The following HSD17B4 variants were observed in gnomAD, a reference collection of about 807,000 sequenced individuals.
The protein encoded by HSD17B4 is peroxisomal multifunctional enzyme type 2.
Under a neutral mutation model 101.0 loss-of-function variants are expected in HSD17B4, and 70 were observed. The observed-to-expected ratio is 0.69, with a 90% CI of 0.57 to 0.85. HSD17B4 has a LOEUF of 0.85. Ranked by LOEUF, HSD17B4 falls within the 40% of genes least tolerant of loss-of-function variation. HSD17B4 has a pLI of 0.00. For synonymous variants in HSD17B4, 347 were observed against 297.1 expected, an observed-to-expected ratio of 1.17 and a Z score of -1.73; for missense variants, 984 against 892.4, an observed-to-expected ratio of 1.10 and a Z score of -1.31.
At chr5:119,466,095 G>T (rs888356189) in intron 2 of HSD17B4, among the ~76,000 whole-genome samples, 15 of 152,034 alleles carry the variant, frequency 9.9e-5, no homozygotes, top group African/African-American at 3.4e-4. Flanking sequence ...TTTCTCCTTT[G>T]TTTTGTTGAT....
rs1748606895 is a variant in HSD17B4 at position 119,476,607 on chromosome 5, G to A, written c.349+737G>A. On this transcript the variant is annotated intron_variant, in intron 6 of 23. Transcript: ENST00000510025. ...TTGATTTAGAATTAAGCTAAGAAGAGCTTTTAGTTTCTGCTTCCCTTGTAA... is the reference window on the plus strand; with the variant it reads ...TTGATTTAGAATTAAGCTAAGAAGAACTTTTAGTTTCTGCTTCCCTTGTAA... The A allele has an allele frequency of 3.0e-6, 3 of 985,102 alleles. No individual in the cohort carries two copies. In the South Asian group the frequency reaches 1.4e-4, roughly 46 times the overall value. 61.0% of individuals were successfully genotyped at this position (985,102 alleles called of 1,614,324 possible). A position where few individuals can be genotyped will look rare whatever the true frequency, so the allele number is the denominator to read the frequency against.
At position 119,454,845 on chromosome 5, in the gene HSD17B4, C is replaced by T. The variant is rs570373384; in HGVS notation, c.59-1470C>T. ...CCCTGTTGGCCAGGCTGGTCTTGAA[C>T]TCCAGACCTCAAATGATCCGCCCAC... On this transcript the variant is annotated intron_variant, in intron 1 of 23. Coordinates refer to ENST00000510025, the MANE Select transcript of HSD17B4 (RefSeq NM_000414.4). Among the ~76,000 whole-genome samples the T allele has an allele frequency of 3.9e-5, 6 of 152,206 alleles. No individual in the cohort carries two copies. In the South Asian group the frequency reaches 1.2e-3, roughly 32 times the overall value.
rs574481770 is a variant in HSD17B4, at chr5:119,499,704, C to CT, written c.1209+156dup. The CT allele has an allele frequency of 3.7e-3, 1,621 of 440,750 alleles. 10 individuals carry two copies. Among genetic ancestry groups the CT allele is most frequent in the Middle Eastern group, 9.1e-3 (15 of 1,640 alleles). The allele number at this position is 440,750 out of a possible 1,614,324, so 27.3% of individuals were successfully genotyped here. On this transcript the variant is annotated intron_variant, in intron 13 of 23. Transcript: ENST00000510025. ...TAGTTTAGCATATCTTTTGATTTTT[C>CT]TTTTTAAGAATAAAAGAGGGGAGAG... is the stretch of plus-strand genomic sequence containing the variant.
At chr5:119,530,385 T>G (rs1029892530) in intron 21 of HSD17B4, among the ~76,000 whole-genome samples, 2 of 152,164 alleles carry the variant, frequency 1.3e-5, no homozygotes, top group African/African-American at 4.8e-5. Context: ...TATAATTTAT[T>G]AAAACATTGT....
At chr5:119,471,635 G>C (rs1171982233) in intron 2 of HSD17B4, 1 of 1,325,448 alleles carries the variant, frequency 7.5e-7, no homozygotes, top group African/African-American at 1.5e-5. Flanking sequence ...TATTGTTACA[G>C]CTTTCAAAAT....
intron 15 of HSD17B4, 57 bp downstream of exon 15, chr5:119,506,946 A>T (rs1751706643): frequency 1.2e-6 from 1 of 866,064 alleles, no homozygotes; most frequent in Non-Finnish European, 1.9e-6. Context: ...TTTGTGTATG[A>T]CATAATACTT....
chr5:119,462,248 ATTTTTTTTTTTTTTTTTTTTTT>A (rs10524491), intron 2 of HSD17B4, among the ~76,000 whole-genome samples: 1 of 30,010 alleles, frequency 3.3e-5, no homozygotes, highest in Admixed American at 7.0e-4. Flanking sequence ...AACAAATGTG[ATTTTTTTTTTTTTTTTTTTTTT>A]TTTTTTTTTT....
At chr5:119,473,188 C>T (rs1283790222) in intron 2 of HSD17B4, among the ~76,000 whole-genome samples, 1 of 138,958 alleles carries the variant, frequency 7.2e-6, no homozygotes, top group African/African-American at 2.7e-5. Flanking sequence ...ATTGATCGAT[C>T]TTATAGTAGT....
intron 13 of HSD17B4, 27 bp downstream of exon 13, chr5:119,499,580 T>C (rs772833335): frequency 1.5e-6 from 2 of 1,320,472 alleles, no homozygotes; most frequent in Non-Finnish European, 2.2e-6. Flanking sequence ...ACCTTTATTT[T>C]GCTTTTCTAT....
chr5:119,486,885 C>T (rs1227606985), intron 8 of HSD17B4, among the ~76,000 whole-genome samples: 1 of 151,992 alleles, frequency 6.6e-6, no homozygotes, highest in Non-Finnish European at 1.5e-5. Context: ...TAGTTCAAAT[C>T]TGCTGTTTCT....
At chr5:119,463,951 G>T (rs1245300320) in intron 2 of HSD17B4, among the ~76,000 whole-genome samples, 2 of 151,954 alleles carry the variant, frequency 1.3e-5, no homozygotes, top group Admixed American at 1.3e-4. Context: ...GATTACAGGC[G>T]TGAGCCACTG....
At chr5:119,502,618 AT>A (rs1273349281) in intron 14 of HSD17B4, among the ~76,000 whole-genome samples, 1 of 151,748 alleles carries the variant, frequency 6.6e-6, no homozygotes, top group Non-Finnish European at 1.5e-5. Context: ...AATTGGATAT[AT>A]TTATTTCTCT....
At chr5:119,529,057 A>G (rs1753836516) in intron 20 of HSD17B4, among the ~76,000 whole-genome samples, 1 of 152,148 alleles carries the variant, frequency 6.6e-6, no homozygotes, top group Admixed American at 6.6e-5. Flanking sequence ...ATGCTTTTCA[A>G]TGTATGTAAT....
intron 17 of HSD17B4, 77 bp downstream of exon 17, chr5:119,515,123 A>G: frequency 1.2e-6 from 1 of 809,326 alleles, no homozygotes; most frequent in Non-Finnish European, 2.2e-6. Context: ...GATACCTTAT[A>G]ACATTATGCA....
intron 8 of HSD17B4, 59 bp from the exon 9 acceptor site, chr5:119,489,133 G>C: frequency 8.6e-7 from 1 of 1,169,094 alleles, no homozygotes. Context: ...AATTTTATAA[G>C]TAAGAAATTC....
chr5:119,485,178 T>C (rs1749506061), intron 8 of HSD17B4, among the ~76,000 whole-genome samples: 4 of 152,166 alleles, frequency 2.6e-5, no homozygotes, highest in Admixed American at 2.6e-4. Context: ...TGATCATCCC[T>C]TTGTTAGATT....
chr5:119,497,982 T>C (rs959761152), intron 12 of HSD17B4, among the ~76,000 whole-genome samples: 1 of 152,192 alleles, frequency 6.6e-6, no homozygotes, highest in African/African-American at 2.4e-5. Context: ...AGCATCGATA[T>C]TGTATTTTAG....
At chr5:119,516,621 A>G (rs1202582598) in intron 17 of HSD17B4, among the ~76,000 whole-genome samples, 1 of 152,232 alleles carries the variant, frequency 6.6e-6, no homozygotes, top group Non-Finnish European at 1.5e-5. Flanking sequence ...ATTAGAGAAT[A>G]TAATGGAGGC....
At chr5:119,452,772 C>G (rs1381968795) in intron 1 of HSD17B4, 139 bp downstream of exon 1, 2 of 1,565,590 alleles carry the variant, frequency 1.3e-6, no homozygotes, top group Admixed American at 1.9e-5. Context: ...TCTTGAGGCA[C>G]CGCATCTCTT....
Sources: gnomAD v4.1 joint callset for allele counts (sites outside exome capture counted in the v4.1 genomes callset) on GRCh38, gnomAD v4.1.1 for gene constraint, MANE v1.5 for transcripts, NCBI Gene and HGNC (gene_info 2026-07-23, HGNC 2026-07-21) for gene names.